Variants in SNTG1 observed in about 807,000 individuals in gnomAD.
SNTG1 encodes the protein syntrophin gamma 1, also known as gamma-1-syntrophin.
A neutral mutation model predicts 74.7 loss-of-function variants in SNTG1; 39 were observed. The ratio of observed to expected loss-of-function variants is 0.52; its 90% CI spans 0.40 to 0.68. SNTG1 has a LOEUF of 0.68. Ranked by LOEUF, SNTG1 falls within the 30% of genes least tolerant of loss-of-function variation. The pLI, the probability that SNTG1 is intolerant of heterozygous loss-of-function variation, is 0.00. For missense variants in SNTG1, 685 were observed against 609.5 expected, an observed-to-expected ratio of 1.12 and a Z score of -1.30; for synonymous variants, 254 against 217.1, an observed-to-expected ratio of 1.17 and a Z score of -1.49.
intron 1 of SNTG1, among the ~76,000 whole-genome samples, chr8:49,913,210 A>G (rs1805728446): frequency 6.6e-6 from 1 of 152,204 alleles, no homozygotes; most frequent in African/African-American, 2.4e-5. Flanking sequence ...AAGAGTTTTG[A>G]CTTGCAAGGA....
intron 6 of SNTG1, among the ~76,000 whole-genome samples, 179 bp downstream of exon 6, chr8:50,449,904 AG>A (rs765118812): frequency 1.4e-4 from 22 of 152,060 alleles, no homozygotes; most frequent in Non-Finnish European, 2.5e-4. Context: ...CCTGTGGGAG[AG>A]GACTTCTCTC....
intron 18 of SNTG1, among the ~76,000 whole-genome samples, chr8:50,782,744 G>T (rs969104235): frequency 6.6e-6 from 1 of 152,160 alleles, no homozygotes; most frequent in Non-Finnish European, 1.5e-5. Flanking sequence ...TCCGTTGCTG[G>T]TGAGGAGCTG....
chr8:49,980,202 A>C (rs1162571096), intron 1 of SNTG1, among the ~76,000 whole-genome samples: 1 of 152,070 alleles, frequency 6.6e-6, no homozygotes, highest in African/African-American at 2.4e-5. Context: ...GGCAGCCACT[A>C]TTCTACTTTC....
chr8:50,134,859 C>T (rs760823974), intron 1 of SNTG1, among the ~76,000 whole-genome samples: 14 of 152,054 alleles, frequency 9.2e-5, no homozygotes, highest in South Asian at 4.1e-4. Context: ...CTATCAAAAA[C>T]GATCCAGCTT....
intron 1 of SNTG1, among the ~76,000 whole-genome samples, chr8:49,989,505 G>T (rs951860974): frequency 6.6e-6 from 1 of 151,822 alleles, no homozygotes; most frequent in Non-Finnish European, 1.5e-5. Context: ...TTTCCCTTCT[G>T]GTGAATTTTA....
intron 18 of SNTG1, among the ~76,000 whole-genome samples, chr8:50,780,784 A>T (rs1275968098): frequency 2.6e-5 from 4 of 151,844 alleles, no homozygotes; most frequent in Non-Finnish European, 4.4e-5. Flanking sequence ...TAGTTCTTTT[A>T]ATTGTGATGT....
chr8:50,716,495 C>A (rs1364437503), intron 17 of SNTG1, among the ~76,000 whole-genome samples: 2 of 151,806 alleles, frequency 1.3e-5, no homozygotes, highest in African/African-American at 2.4e-5. Flanking sequence ...TAAATTATTT[C>A]TTCTTTGCTT....
chr8:50,573,727 G>A (rs553117863), intron 12 of SNTG1, among the ~76,000 whole-genome samples: 1 of 151,892 alleles, frequency 6.6e-6, no homozygotes, highest in East Asian at 1.9e-4. Flanking sequence ...TTGTCCCCAT[G>A]TTTTAGAAAC....
chr8:50,089,706 G>C (rs905648551), intron 1 of SNTG1, among the ~76,000 whole-genome samples: 1 of 152,118 alleles, frequency 6.6e-6, no homozygotes, highest in African/African-American at 2.4e-5. Flanking sequence ...ACCACAATGA[G>C]ATACCATCTC....
chr8:50,451,133 G>A (rs1025164561), intron 8 of SNTG1, among the ~76,000 whole-genome samples: 26 of 151,684 alleles, frequency 1.7e-4, no homozygotes, highest in African/African-American at 4.8e-4. Flanking sequence ...ATTTCACATC[G>A]GCAGATTCAA....
At chr8:50,631,502 A>G (rs1349098456) in intron 13 of SNTG1, among the ~76,000 whole-genome samples, 1 of 152,180 alleles carries the variant, frequency 6.6e-6, no homozygotes, top group Non-Finnish European at 1.5e-5. Context: ...GATTGACCTC[A>G]TCAAATTAAC....
intron 13 of SNTG1, among the ~76,000 whole-genome samples, chr8:50,603,877 C>A (rs1301033831): frequency 6.6e-6 from 1 of 152,180 alleles, no homozygotes; most frequent in Non-Finnish European, 1.5e-5. Context: ...TGATGCAAGA[C>A]CCCTGTGGCC....
rs1173884376 is a variant in SNTG1 at position 50,151,505 on chromosome 8, G to A, written c.-102-21056G>A. Among the ~76,000 whole-genome samples the A allele has an allele frequency of 4.6e-5, 7 of 152,150 alleles. No individual in the cohort carries two copies. The South Asian group carries it at 1.2e-3, about 27-fold the overall frequency. On this transcript the variant is annotated intron_variant, in intron 1 of 18. Transcript: ENST00000642720. The stretch of plus-strand genomic sequence containing the variant: ...TAGTTCTTTTAATTGTGATGTTAGG[G>A]TGTCAATTTTAGATCTTTCCTGCTT...
intron 2 of SNTG1, among the ~76,000 whole-genome samples, chr8:50,198,524 T>G (rs189269829): frequency 6.6e-6 from 1 of 152,172 alleles, no homozygotes; most frequent in African/African-American, 2.4e-5. Flanking sequence ...TACAGGGCTC[T>G]GCAAGCCCTG....
chr8:50,325,560 A>C (rs1296336555), intron 2 of SNTG1, among the ~76,000 whole-genome samples: 1 of 152,044 alleles, frequency 6.6e-6, no homozygotes, highest in Non-Finnish European at 1.5e-5. Context: ...TTATATATTA[A>C]CTTCATATCC....
intron 1 of SNTG1, among the ~76,000 whole-genome samples, chr8:50,170,210 A>C (rs1563689722): frequency 6.6e-6 from 1 of 152,136 alleles, no homozygotes; most frequent in Admixed American, 6.6e-5. Context: ...CTACTTTCAC[A>C]CCTCAACATT....
intron 2 of SNTG1, among the ~76,000 whole-genome samples, chr8:50,332,877 A>T (rs971488908): frequency 8.5e-5 from 13 of 152,184 alleles, no homozygotes; most frequent in African/African-American, 2.7e-4. Context: ...GGAGCAGCTT[A>T]TTTCTTCTCA....
chr8:49,937,828 G>A (rs1336924657), intron 1 of SNTG1, among the ~76,000 whole-genome samples: 2 of 152,166 alleles, frequency 1.3e-5, no homozygotes, highest in African/African-American at 2.4e-5. Context: ...GAGGCAGACA[G>A]TTTTCTTTTC....
At position 50,449,681 on chromosome 8, in the gene SNTG1, A is replaced by T. The variant is rs200424335; in HGVS notation, c.233A>T (p.His78Leu). The change falls in exon 6 of 19, where the codon CAT becomes CTT. Residue 78 changes from histidine (H) to leucine (L), a missense_variant. Transcript: ENST00000642720. ...TTCTCTTTTCAGGGAGGAGCAGAACATAACATTCCAGTTGTCGTTTCAAAA... is the reference window on the plus strand; with the variant it reads ...TTCTCTTTTCAGGGAGGAGCAGAACTTAACATTCCAGTTGTCGTTTCAAAA... Reference protein sequence around the residue: ...FGLSIKGGAEHNIPVVVSKIS... With the variant: ...FGLSIKGGAELNIPVVVSKIS... The T allele has an allele frequency of 1.3e-6, 2 of 1,599,246 alleles. No individual in the cohort carries two copies.
Sources: allele counts gnomAD v4.1 joint callset (sites outside exome capture counted in the v4.1 genomes callset), GRCh38; gene constraint gnomAD v4.1.1; transcripts MANE v1.5; gene names NCBI Gene and HGNC (gene_info 2026-07-23, HGNC 2026-07-21).